Variants in IP6K2 observed in about 807,000 individuals in gnomAD.
The protein encoded by IP6K2 is inositol hexakisphosphate kinase 2, also known as ATP:1D-myo-inositol-hexakisphosphate phosphotransferase.
In IP6K2, 9 loss-of-function variants were observed where a neutral mutation model predicts 43.3. The observed-to-expected ratio is 0.21, with a 90% CI of 0.13 to 0.36. The LOEUF is 0.36. IP6K2 is among the 10% of genes least tolerant of loss of function. The pLI is 1.00. For missense variants in IP6K2, 332 were observed against 538.4 expected, an observed-to-expected ratio of 0.62 and a Z score of 3.79; for synonymous variants, 209 against 202.4, an observed-to-expected ratio of 1.03 and a Z score of -0.28.
chr3:48,710,290 T>G (rs539207745), intron 1 of IP6K2, among the ~76,000 whole-genome samples: 1 of 152,322 alleles, frequency 6.6e-6, no homozygotes, highest in East Asian at 1.9e-4. Flanking sequence ...CTCAGAAGGC[T>G]GAGGCAGGAG....
At chr3:48,694,689 C>T in intron 2 of IP6K2, 1 of 1,506,214 alleles carries the variant, frequency 6.6e-7, no homozygotes, top group East Asian at 2.5e-5. Context: ...TGCTCCCCGG[C>T]CTACCTAATT....
intron 1 of IP6K2, among the ~76,000 whole-genome samples, chr3:48,697,924 A>C (rs566983307): frequency 3.3e-5 from 5 of 152,308 alleles, no homozygotes; most frequent in African/African-American, 1.2e-4. Context: ...GTACCCGACT[A>C]TGGGCCTCAA....
chr3:48,715,294 CA>C lies in IP6K2; in HGVS notation c.-131+1862del, dbSNP rs754073346. ...TCCCCAGTGCATCCTCTTTATGAGC[CA>C]AACAATGGAAAATTTTCACCTCAGT... is the stretch of plus-strand genomic sequence containing the variant. On this transcript the variant is annotated intron_variant, in intron 1 of 5. Transcript: ENST00000328631. 1.4e-4 allele frequency: 209 copies of C among 1,536,044 alleles called. 2 individuals are homozygous for C. The Middle Eastern group carries it at 5.3e-3, about 39-fold the overall frequency.
intron 4 of IP6K2, among the ~76,000 whole-genome samples, chr3:48,689,997 TAGCTAA>T (rs1171645072): frequency 1.3e-5 from 2 of 152,194 alleles, no homozygotes; most frequent in Non-Finnish European, 2.9e-5. Context: ...TCTGAACTCT[TAGCTAA>T]GTGTAGGACT....
At chr3:48,692,201 A>G (rs994630905) in intron 3 of IP6K2, among the ~76,000 whole-genome samples, 2 of 152,242 alleles carry the variant, frequency 1.3e-5, no homozygotes, top group African/African-American at 4.8e-5. Context: ...AACATCTGCC[A>G]AAACTCTCTG....
chr3:48,705,363 T>C (rs539171824), intron 1 of IP6K2, among the ~76,000 whole-genome samples: 1 of 152,070 alleles, frequency 6.6e-6, no homozygotes, highest in South Asian at 2.1e-4. Flanking sequence ...GGCCTCACTT[T>C]TGATAAACTT....
rs748774486 is a variant in IP6K2, at chr3:48,689,521, C to T, written c.780+17G>A. The T allele has an allele frequency of 6.2e-7, 1 of 1,602,682 alleles. No homozygotes were observed. Among genetic ancestry groups the T allele is most frequent in the Admixed American group, 1.7e-5 (1 of 59,216 alleles). On this transcript the variant is annotated intron_variant, in intron 5 of 5. Coordinates refer to ENST00000328631, the MANE Select transcript of IP6K2 (RefSeq NM_016291.4). The stretch of plus-strand genomic sequence containing the variant: ...ACAGCCACTGGATGCCCTAGCCAGC[C>T]CTAGCATCCCCCTCACCTGCATGCC...
At position 48,693,165 on chromosome 3, in the gene IP6K2, GCA is replaced by G; in HGVS notation, c.215_216del (p.Val72AlafsTer3). On this transcript the variant is annotated frameshift_variant, in exon 3 of 6. Coordinates refer to ENST00000328631, the MANE Select transcript of IP6K2 (RefSeq NM_016291.4). LOFTEE classifies it high-confidence loss of function. ...FTPQYKGVVSVRFEEDEDRNL... is the reference protein window; with the variant it reads ...FTPQYKGVVSXRFEEDEDRNL... ...TTCCTGTCTTCATCTTCTTCAAAGC[GCA>G]CAGATACCACACCTGGAAGGGGGTG... 2 of 1,613,716 alleles carry G rather than the reference GCA, an allele frequency of 1.2e-6. No homozygotes were observed. Among genetic ancestry groups the G allele is most frequent in the South Asian group, 1.1e-5 (1 of 91,056 alleles).
chr3:48,694,298 C>T (rs1223904922), intron 2 of IP6K2: 20 of 1,551,258 alleles, frequency 1.3e-5, no homozygotes, highest in East Asian at 2.4e-5. Context: ...CCATCCCCAC[C>T]GCAATACACA....
intron 1 of IP6K2, among the ~76,000 whole-genome samples, chr3:48,715,130 A>T (rs1039697080): frequency 6.6e-6 from 1 of 152,224 alleles, no homozygotes; most frequent in Non-Finnish European, 1.5e-5. Flanking sequence ...AACATAATTT[A>T]AAAAAACAAA....
intron 1 of IP6K2, among the ~76,000 whole-genome samples, chr3:48,709,846 AAATT>A (rs202002949): frequency 0.012 from 1,855 of 151,810 alleles, 29 homozygotes; most frequent in Non-Finnish European, 0.013. Context: ...CAAAAAAAAA[AAATT>A]AATTAATTAA....
chr3:48,705,036 G>T (rs2079547310), intron 1 of IP6K2, among the ~76,000 whole-genome samples: 3 of 152,050 alleles, frequency 2.0e-5, no homozygotes, highest in Admixed American at 2.0e-4. Context: ...CCGCCTCCCA[G>T]GTTCACGCCA....
At chr3:48,702,427 C>A (rs1171058532) in intron 1 of IP6K2, among the ~76,000 whole-genome samples, 1 of 151,364 alleles carries the variant, frequency 6.6e-6, no homozygotes, top group Non-Finnish European at 1.5e-5. Context: ...TCCTTCAGCC[C>A]TTTGTGCAAA....
At chr3:48,697,145 T>C (rs1266777473) in intron 1 of IP6K2, among the ~76,000 whole-genome samples, 7 of 151,242 alleles carry the variant, frequency 4.6e-5, no homozygotes, top group Non-Finnish European at 8.8e-5. Flanking sequence ...CTCAGCCTCC[T>C]GAGTAGCTGG....
Position 48,688,248 on chromosome 3 carries a change from T to C in IP6K2, c.*25A>G, listed in dbSNP as rs1474787638. ...CTGTGCCTGGGACACAGAGTCGCTC[T>C]CAAGTACTGGAGCAGCTAGCAAGCT... On this transcript the variant is annotated 3_prime_UTR_variant, in exon 6 of 6. Transcript: ENST00000328631. This position sits in a 1 kb window ranked among gnomAD's most constrained non-coding sequence, Gnocchi z 5.1. 3.1e-6 allele frequency: 5 copies of C among 1,607,976 alleles called. No individual in the cohort carries two copies. Among genetic ancestry groups the C allele is most frequent in the South Asian group, 1.1e-5 (1 of 90,702 alleles).
At chr3:48,694,003 GA>G in intron 2 of IP6K2, 1 of 1,386,920 alleles carries the variant, frequency 7.2e-7, no homozygotes, top group Admixed American at 3.5e-5. Context: ...ACGACTGGCT[GA>G]ACACCTTTCC....
chr3:48,709,274 C>T (rs1051208859), intron 1 of IP6K2, among the ~76,000 whole-genome samples: 1 of 152,240 alleles, frequency 6.6e-6, no homozygotes, highest in Non-Finnish European at 1.5e-5. Context: ...CCCAGGCAAG[C>T]ACCTGAGTGC....
chr3:48,699,399 CA>C (rs146524009), intron 1 of IP6K2: 5 of 143,250 alleles, frequency 3.5e-5, no homozygotes, highest in Admixed American at 7.0e-5. Flanking sequence ...AACTCCATCT[CA>C]AAAAAAAAAC....
intron 1 of IP6K2, among the ~76,000 whole-genome samples, chr3:48,697,364 TGCTCTGTCGCCCAG>T (rs1372958111): frequency 6.6e-6 from 1 of 151,366 alleles, no homozygotes; most frequent in East Asian, 1.9e-4. Context: ...GATGGAGTCT[TGCTCTGTCGCCCAG>T]GCTGAAGTGT....
Sources: allele counts gnomAD v4.1 joint callset (sites outside exome capture counted in the v4.1 genomes callset), GRCh38; gene constraint gnomAD v4.1.1; non-coding constraint Gnocchi (gnomAD v3.1); transcripts MANE v1.5; gene names NCBI Gene and HGNC (gene_info 2026-07-23, HGNC 2026-07-21).